Variants in LNPEP observed in about 807,000 individuals in gnomAD.
LNPEP encodes the protein leucyl and cystinyl aminopeptidase.
A neutral mutation model predicts 120.6 loss-of-function variants in LNPEP; 64 were observed. The ratio of observed to expected loss-of-function variants is 0.53; its 90% confidence interval spans 0.43 to 0.65. The LOEUF is 0.65. Among genes scored for constraint, LNPEP ranks in the 30% least tolerant of loss-of-function variants. The pLI, the probability that LNPEP is intolerant of heterozygous loss-of-function variation, is 0.00. For synonymous variants in LNPEP, 435 were observed against 425.4 expected, an observed-to-expected ratio of 1.02 and a Z score of -0.28; for missense variants, 1,057 against 1,200.0, an observed-to-expected ratio of 0.88 and a Z score of 1.76.
chr5:96,940,838 C>T (rs1341596226), intron 1 of LNPEP, among the ~76,000 whole-genome samples: 2 of 152,156 alleles, frequency 1.3e-5, no homozygotes, highest in East Asian at 1.9e-4. Context: ...CACCTCATGA[C>T]TTGAAAACTG....
chr5:96,980,274 G>C (rs1176280766), intron 2 of LNPEP, among the ~76,000 whole-genome samples: 1 of 152,026 alleles, frequency 6.6e-6, no homozygotes, highest in Non-Finnish European at 1.5e-5. Flanking sequence ...CTAGTTTTCT[G>C]TCACCTCATG....
At chr5:97,017,225 A>G (rs1242275219) in intron 13 of LNPEP, among the ~76,000 whole-genome samples, 1 of 152,028 alleles carries the variant, frequency 6.6e-6, no homozygotes, top group East Asian at 1.9e-4. Context: ...ACATTTTTCT[A>G]CTGATGTGAA....
rs747009373 is a variant in LNPEP at position 96,979,640 on chromosome 5, A to G, written c.522A>G (p.Pro174=). The G allele has an allele frequency of 2.5e-6, 4 of 1,614,136 alleles. No individual in the cohort carries two copies. Among genetic ancestry groups the G allele is most frequent in the Non-Finnish European group, 3.4e-6 (4 of 1,179,976 alleles). The stretch of plus-strand genomic sequence containing the variant: ...TCAGGCTTCCCACTGCCGTTGTGCC[A>G]CTACGCTATGAACTCAGCCTACACC... ...AQIRLPTAVV[P]LRYELSLHPN... Residue 174 remains proline, a synonymous_variant, in exon 2 of 18, where the codon CCA becomes CCG. Coordinates refer to ENST00000231368, the MANE Select transcript of LNPEP (RefSeq NM_005575.3).
At chr5:96,969,012 G>T (rs1193224374) in intron 1 of LNPEP, among the ~76,000 whole-genome samples, 1 of 152,066 alleles carries the variant, frequency 6.6e-6, no homozygotes, top group Non-Finnish European at 1.5e-5. Flanking sequence ...TCACATAGCT[G>T]TGACCTGAAC....
At chr5:96,942,685 G>A (rs1199920198) in intron 1 of LNPEP, among the ~76,000 whole-genome samples, 1 of 143,850 alleles carries the variant, frequency 7.0e-6, no homozygotes, top group Non-Finnish European at 1.5e-5. Flanking sequence ...GAGAACACTT[G>A]GACACAGGGT....
At chr5:97,011,874 T>C (rs1177849040) in intron 11 of LNPEP, among the ~76,000 whole-genome samples, 1 of 152,210 alleles carries the variant, frequency 6.6e-6, no homozygotes, top group Non-Finnish European at 1.5e-5. Flanking sequence ...TAAACATCTT[T>C]TGCAGTATCG....
chr5:96,996,650 C>G (rs1015566714), intron 7 of LNPEP, 147 bp downstream of exon 7: 5 of 548,378 alleles, frequency 9.1e-6, no homozygotes, highest in Non-Finnish European at 1.6e-5. Flanking sequence ...GATATCTATA[C>G]CTTTTGAGAT....
intron 11 of LNPEP, among the ~76,000 whole-genome samples, chr5:97,009,557 T>G (rs1790875723): frequency 6.6e-6 from 1 of 152,228 alleles, no homozygotes; most frequent in African/African-American, 2.4e-5. Context: ...TCTCTTCCTC[T>G]TCTTAGTAAA....
chr5:96,962,625 T>C (rs934564991), intron 1 of LNPEP: 5 of 149,214 alleles, frequency 3.4e-5, no homozygotes, highest in Non-Finnish European at 5.9e-5. Context: ...CCCTTTTTTC[T>C]TTTTCTTTTC....
intron 1 of LNPEP, among the ~76,000 whole-genome samples, chr5:96,977,689 G>A (rs1790032911): frequency 6.6e-6 from 1 of 152,162 alleles, no homozygotes; most frequent in African/African-American, 2.4e-5. Context: ...TTTTATGGAT[G>A]AAGAGTTTCC....
At chr5:97,017,391 A>G (rs1322368281) in intron 13 of LNPEP, among the ~76,000 whole-genome samples, 1 of 152,056 alleles carries the variant, frequency 6.6e-6, no homozygotes, top group Non-Finnish European at 1.5e-5. Context: ...TTGGTCATGT[A>G]TATTTGCAAA....
chr5:97,026,520 A>G (rs1582038020), intron 15 of LNPEP, 97 bp from the exon 16 acceptor site: 8 of 911,270 alleles, frequency 8.8e-6, no homozygotes, highest in South Asian at 6.9e-5. Context: ...TTTGCTACAC[A>G]GCTTTAATTA....
chr5:96,944,495 C>T (rs1326309844), intron 1 of LNPEP, among the ~76,000 whole-genome samples: 2 of 143,134 alleles, frequency 1.4e-5, no homozygotes, highest in South Asian at 2.3e-4. Flanking sequence ...TAACTCAAAG[C>T]GGGGACTTCT....
chr5:96,947,975 A>G lies in LNPEP; in HGVS notation c.19+11801A>G, dbSNP rs575319396. Among the ~76,000 whole-genome samples, 6 of 151,524 alleles carry G rather than the reference A, an allele frequency of 4.0e-5. No individual in the cohort carries two copies. In the East Asian group the frequency reaches 1.2e-3, roughly 29 times the overall value. On this transcript the variant is annotated intron_variant, in intron 1 of 17. Transcript: ENST00000231368. ...ACATTACTTTAGTAATTTGTTCTTC[A>G]TCTCTTATTTTTATCACCTAGACAG...
Position 96,979,475 on chromosome 5 carries a change from G to A in LNPEP, c.357G>A (p.Val119=), listed in dbSNP as rs1164470061. Residue 119 remains valine (V), a synonymous_variant, in exon 2 of 18, where the codon GTG becomes GTA. Transcript: ENST00000231368. ...TGGTGGTCTGTGCTTTTGTCATCGT[G>A]GTTGCTGTTTCTGTAATCATGGTGA... ...RTMVVCAFVI[V]VAVSVIMVIY... is the part of the protein sequence containing the mutation. 5.0e-6 allele frequency: 8 copies of A among 1,613,930 alleles called. No individual in the cohort carries two copies. The highest frequency in any genetic ancestry group is 6.8e-6 in the Non-Finnish European group (8 of 1,179,958).
rs575497730 is a variant in LNPEP, at chr5:97,030,931, G to A, written c.*2398G>A. On this transcript the variant is annotated 3_prime_UTR_variant, in exon 18 of 18. Transcript: ENST00000231368. ...TCTATATAGGACTTCTAAAAACTAC[G>A]TCAGGAATGTAAGGTTAAATGAGAG... The A allele has an allele frequency of 5.3e-5, 8 of 151,960 alleles. No homozygotes were observed. In the East Asian group the frequency reaches 9.7e-4, roughly 18 times the overall value. The allele number at this position is 151,960 out of a possible 1,614,324, so 9.4% of individuals were successfully genotyped here.
chr5:96,993,241 C>A, intron 5 of LNPEP, 106 bp downstream of exon 5: 3 of 741,512 alleles, frequency 4.0e-6, no homozygotes, highest in South Asian at 2.2e-5. Flanking sequence ...CAGAGAAAAC[C>A]AAAAACCATT....
intron 11 of LNPEP, among the ~76,000 whole-genome samples, chr5:97,011,730 CT>C (rs1790933446): frequency 6.6e-6 from 1 of 152,182 alleles, no homozygotes; most frequent in Admixed American, 6.5e-5. Flanking sequence ...AGGAATAAAC[CT>C]TATTTAACTG....
At chr5:96,947,604 C>A (rs1295955214) in intron 1 of LNPEP, among the ~76,000 whole-genome samples, 1 of 152,140 alleles carries the variant, frequency 6.6e-6, no homozygotes, top group African/African-American at 2.4e-5. Flanking sequence ...TTTTTAACTA[C>A]AGGACTTCCT....
Sources: allele counts gnomAD v4.1 joint callset (sites outside exome capture counted in the v4.1 genomes callset), GRCh38; gene constraint gnomAD v4.1.1; transcripts MANE v1.5; gene names NCBI Gene and HGNC (gene_info 2026-07-23, HGNC 2026-07-21).